Variants in PRPF39 observed in about 807,000 individuals in gnomAD.
PRPF39 encodes pre-mRNA processing factor 39.
PRPF39 carries 27 observed loss-of-function variants against 82.1 expected under a neutral mutation model. That is an observed-to-expected ratio of 0.33 (90% CI 0.24 to 0.45). The LOEUF (loss-of-function observed/expected upper bound fraction) is 0.45. PRPF39 is among the 20% of genes least tolerant of loss of function. PRPF39 has a pLI of 1.00. For synonymous variants in PRPF39, 261 were observed against 256.4 expected (o/e 1.02, Z -0.17); for missense variants, 581 against 796.9 (o/e 0.73, Z 3.26).
rs1884167756 is a variant in PRPF39, at chr14:45,095,490, T to C, written c.251T>C (p.Phe84Ser). The change falls in exon 2 of 14, where the codon TTT becomes TCT. Residue 84 changes from phenylalanine (F) to serine (S), a missense_variant. Phe to Ser is a radical substitution (Grantham distance 155). Coordinates refer to ENST00000355765, the MANE Select transcript of PRPF39 (RefSeq NM_017922.4). Reference sequence around the variant, plus strand: ...AATTTCCCTCCAGAATATGAAAAATTTTGGAAAACTGTAGAAAATAATCCT... The same window carrying C: ...AATTTCCCTCCAGAATATGAAAAATCTTGGAAAACTGTAGAAAATAATCCT... ...EANFPPEYEK[F>S]WKTVENNPQD... The C allele has an allele frequency of 1.2e-6, 2 of 1,613,712 alleles. No homozygotes were observed. Among genetic ancestry groups the C allele is most frequent in the Non-Finnish European group, 1.7e-6 (2 of 1,179,796 alleles).
At chr14:45,086,199 C>G (rs373694960) in intron 1 of PRPF39, among the ~76,000 whole-genome samples, 3 of 152,120 alleles carry the variant, frequency 2.0e-5, no homozygotes, top group South Asian at 2.1e-4. Context: ...CCTCGGCCTC[C>G]CAAAGTGCTG....
chr14:45,114,120 TTAAA>T, intron 11 of PRPF39, 59 bp from the exon 12 acceptor site: 4 of 1,261,026 alleles, frequency 3.2e-6, no homozygotes, highest in Middle Eastern at 2.7e-4. Context: ...AAAAACAACT[TTAAA>T]TATTTAATAA....
chr14:45,114,369 T>C (rs565292031), intron 12 of PRPF39, 112 bp downstream of exon 12: 1 of 1,337,142 alleles, frequency 7.5e-7, no homozygotes, highest in Non-Finnish European at 1.0e-6. Context: ...TTTATTTTCA[T>C]GATTTGAAAA....
chr14:45,101,448 C>A (rs1884369333), intron 4 of PRPF39, among the ~76,000 whole-genome samples: 1 of 151,460 alleles, frequency 6.6e-6, no homozygotes, highest in African/African-American at 2.4e-5. Flanking sequence ...TTTTAAAATA[C>A]TTTGTAACAA....
intron 5 of PRPF39, among the ~76,000 whole-genome samples, chr14:45,106,024 A>C (rs1270168901): frequency 6.6e-6 from 1 of 152,106 alleles, no homozygotes; most frequent in Non-Finnish European, 1.5e-5. Flanking sequence ...TGAGAGATGT[A>C]GTGGTTGACA....
chr14:45,101,611 G>A (rs1165416210), intron 4 of PRPF39, among the ~76,000 whole-genome samples: 2 of 151,822 alleles, frequency 1.3e-5, no homozygotes, highest in African/African-American at 4.8e-5. Flanking sequence ...GATTACAGAT[G>A]TGCACCACAA....
chr14:45,111,966 A>AT (rs1384009824), intron 10 of PRPF39, among the ~76,000 whole-genome samples: 1 of 152,098 alleles, frequency 6.6e-6, no homozygotes, highest in South Asian at 2.1e-4. Context: ...TGTAGTAAAG[A>AT]TTTAAATTAT....
At chr14:45,094,293 A>G (rs1884131947) in intron 1 of PRPF39, among the ~76,000 whole-genome samples, 1 of 152,206 alleles carries the variant, frequency 6.6e-6, no homozygotes. Flanking sequence ...TGAAAATATA[A>G]TGTGGTATTA....
At chr14:45,095,660 C>T in intron 2 of PRPF39, 97 bp downstream of exon 2, 1 of 1,391,510 alleles carries the variant, frequency 7.2e-7, no homozygotes, top group Non-Finnish European at 9.5e-7. Context: ...TTAAAATTGA[C>T]TCATAATTTT....
At chr14:45,108,814 C>T (rs1405213836) in intron 7 of PRPF39, among the ~76,000 whole-genome samples, 1 of 152,112 alleles carries the variant, frequency 6.6e-6, no homozygotes, top group African/African-American at 2.4e-5. Context: ...TTATACTTTA[C>T]ATACATTACA....
chr14:45,104,740 TTG>T (rs2139056558), intron 5 of PRPF39, among the ~76,000 whole-genome samples: 1 of 152,360 alleles, frequency 6.6e-6, no homozygotes, highest in South Asian at 2.1e-4. Context: ...CATGAGGACT[TTG>T]TGATCTGGTC....
intron 5 of PRPF39, 91 bp from the exon 6 acceptor site, chr14:45,107,360 A>G (rs1884566654): frequency 2.0e-6 from 2 of 1,005,570 alleles, no homozygotes; most frequent in Admixed American, 6.3e-5. Flanking sequence ...TTTTAAATCA[A>G]ATCCTTTGAA....
intron 1 of PRPF39, among the ~76,000 whole-genome samples, chr14:45,093,941 C>G (rs1884120792): frequency 1.3e-5 from 2 of 152,122 alleles, no homozygotes; most frequent in Non-Finnish European, 2.9e-5. Context: ...CATGTTTTTT[C>G]TGATTATTTC....
At chr14:45,084,954 T>G (rs929306310) in intron 1 of PRPF39, among the ~76,000 whole-genome samples, 1 of 152,184 alleles carries the variant, frequency 6.6e-6, no homozygotes, top group African/African-American at 2.4e-5. Context: ...CCATGTGAAT[T>G]TATGCTGATT....
intron 5 of PRPF39, among the ~76,000 whole-genome samples, chr14:45,106,115 T>G (rs918153694): frequency 1.1e-4 from 17 of 151,930 alleles, no homozygotes; most frequent in Admixed American, 2.6e-4. Flanking sequence ...TTTGGGAGGC[T>G]GAGGCGGGTG....
intron 5 of PRPF39, among the ~76,000 whole-genome samples, chr14:45,105,934 G>C (rs1053264830): frequency 6.6e-6 from 1 of 152,140 alleles, no homozygotes; most frequent in African/African-American, 2.4e-5. Flanking sequence ...TAAAAGTCCC[G>C]AGGTGATGAA....
At chr14:45,095,834 A>T in intron 2 of PRPF39, 1 of 467,884 alleles carries the variant, frequency 2.1e-6, no homozygotes, top group Non-Finnish European at 3.5e-6. Flanking sequence ...TGGCAAAATT[A>T]GTTCCTTCTG....
chr14:45,096,295 ATTTTTTTTT>A lies in PRPF39; in HGVS notation c.450+80_450+88del, dbSNP rs374922767. 1.6e-5 allele frequency: 21 copies of A among 1,289,476 alleles called. No homozygotes were observed. In the African/African-American group the frequency reaches 2.1e-4, roughly 13 times the overall value. The allele number at this position is 1,289,476 out of a possible 1,614,324, so 79.9% of individuals were successfully genotyped here. A position where few individuals can be genotyped will look rare whatever the true frequency, so the allele number is the denominator to read the frequency against. On this transcript the variant is annotated intron_variant, in intron 3 of 13. Coordinates refer to ENST00000355765, the MANE Select transcript of PRPF39 (RefSeq NM_017922.4). ...TAAGCCAATTAATAACAAAACAAAG[ATTTTTTTTT>A]TTTTTTTTTTTTGGCTGGCAGTACC...
intron 4 of PRPF39, among the ~76,000 whole-genome samples, chr14:45,099,368 A>G (rs1884299852): frequency 6.6e-6 from 1 of 151,250 alleles, no homozygotes; most frequent in African/African-American, 2.4e-5. Flanking sequence ...CCTATTTTTC[A>G]TATCTTAGAC....
Sources: allele counts gnomAD v4.1 joint callset (sites outside exome capture counted in the v4.1 genomes callset), GRCh38; gene constraint gnomAD v4.1.1; transcripts MANE v1.5; gene names NCBI Gene and HGNC (gene_info 2026-07-23, HGNC 2026-07-21).